Variants in TM7SF3 observed in about 807,000 individuals in gnomAD.
The protein encoded by TM7SF3 is seven span transmembrane protein.
In TM7SF3, 60 loss-of-function variants were observed where a neutral mutation model predicts 65.5. That is an observed-to-expected ratio of 0.92 (90% CI 0.74 to 1.14). The LOEUF is 1.14. TM7SF3 is among the 50% of genes most tolerant of loss of function. The pLI is 0.00. For missense variants in TM7SF3, 623 were observed against 684.8 expected (o/e 0.91, Z 1.01); for synonymous variants, 264 against 259.6 (o/e 1.02, Z -0.16).
intron 6 of TM7SF3, among the ~76,000 whole-genome samples, 158 bp downstream of exon 6, chr12:26,990,292 T>C (rs1463764524): frequency 6.6e-6 from 1 of 152,236 alleles, no homozygotes; most frequent in Non-Finnish European, 1.5e-5. Context: ...GAACAAGTAT[T>C]TTTGCTGTTT....
Position 27,012,725 on chromosome 12 carries a change from C to T in TM7SF3, c.91+1353G>A, listed in dbSNP as rs145513867. ...CAAGAATTACCTGAAATCGGCCGGG[C>T]GCGGTGGCTCATGCCTGTAATCCCA... On this transcript the variant is annotated intron_variant, in intron 1 of 11. Coordinates refer to ENST00000343028, the MANE Select transcript of TM7SF3 (RefSeq NM_016551.3). 1.5e-3 allele frequency: 662 copies of T among 455,968 alleles called. 3 individuals carry two copies. The highest frequency in any genetic ancestry group is 0.012 in the African/African-American group (577 of 50,170). 28.2% of individuals were successfully genotyped at this position (455,968 alleles called of 1,614,324 possible). A position where few individuals can be genotyped will look rare whatever the true frequency, so the allele number is the denominator to read the frequency against.
chr12:27,009,436 T>C (rs1271381500), intron 1 of TM7SF3, among the ~76,000 whole-genome samples: 9 of 151,896 alleles, frequency 5.9e-5, no homozygotes. Context: ...TCAATTTATC[T>C]AAAGAATGTT....
intron 1 of TM7SF3, among the ~76,000 whole-genome samples, chr12:27,008,824 C>G (rs373808217): frequency 1.2e-4 from 19 of 152,124 alleles, no homozygotes; most frequent in Admixed American, 3.9e-4. Context: ...AATGTGTACA[C>G]ATGGGCCTAC....
chr12:27,006,953 CGTAT>C (rs1276091671), intron 1 of TM7SF3, among the ~76,000 whole-genome samples: 3 of 152,078 alleles, frequency 2.0e-5, no homozygotes, highest in East Asian at 1.9e-4. Flanking sequence ...TTCCAGAAAG[CGTAT>C]GTGTCAGGCA....
chr12:26,990,675 G>A (rs748935927), intron 5 of TM7SF3, 48 bp from the exon 6 acceptor site: 2 of 1,479,632 alleles, frequency 1.4e-6, no homozygotes, highest in Admixed American at 3.6e-5. Context: ...ATTTTTTTAA[G>A]CTATTCTGTG....
At chr12:26,990,372 G>T in intron 6 of TM7SF3, 78 bp downstream of exon 6, 1 of 1,080,724 alleles carries the variant, frequency 9.3e-7, no homozygotes, top group Non-Finnish European at 1.4e-6. Flanking sequence ...GGTATGTGTT[G>T]AATGAATGAG....
At chr12:26,988,865 C>T (rs1940219862) in intron 6 of TM7SF3, among the ~76,000 whole-genome samples, 1 of 152,124 alleles carries the variant, frequency 6.6e-6, no homozygotes, top group Non-Finnish European at 1.5e-5. Context: ...ACAGCAACAA[C>T]AACCCCTCCT....
chr12:27,002,477 T>A (rs1940871677), intron 2 of TM7SF3, among the ~76,000 whole-genome samples: 1 of 151,914 alleles, frequency 6.6e-6, no homozygotes, highest in Admixed American at 6.6e-5. Flanking sequence ...ATGAATTAGA[T>A]TAAGACAGAA....
intron 5 of TM7SF3, among the ~76,000 whole-genome samples, chr12:26,994,696 G>A (rs559145172): frequency 6.6e-6 from 1 of 152,302 alleles, no homozygotes; most frequent in Admixed American, 6.5e-5. Context: ...GTAGTTCCAG[G>A]GTGGAGTTTA....
chr12:27,007,819 A>G (rs1941096984), intron 1 of TM7SF3, among the ~76,000 whole-genome samples: 1 of 152,210 alleles, frequency 6.6e-6, no homozygotes, highest in Admixed American at 6.5e-5. Context: ...ATTCAATTGA[A>G]TAGAATTTAC....
At chr12:26,999,972 T>G (rs1320572607) in intron 2 of TM7SF3, among the ~76,000 whole-genome samples, 2 of 152,232 alleles carry the variant, frequency 1.3e-5, no homozygotes, top group Non-Finnish European at 2.9e-5. Context: ...TAGAGTCTGG[T>G]GGTTCATGAT....
At chr12:26,979,660 TGCA>T in intron 9 of TM7SF3, 121 bp downstream of exon 9, 3 of 1,087,970 alleles carry the variant, frequency 2.8e-6, no homozygotes, top group Non-Finnish European at 4.0e-6. Context: ...ACACCATCAA[TGCA>T]GATTTCCAGA....
rs771291983 is a variant in TM7SF3, at chr12:26,976,255, C to G, written c.1287+5G>C. ...AATAAATCTAACTTTTGATGAAACACTTACTATTCTTAGGCAGCCCATGAA... is the reference window on the plus strand; with the variant it reads ...AATAAATCTAACTTTTGATGAAACAGTTACTATTCTTAGGCAGCCCATGAA... On this transcript the variant is annotated splice_donor_5th_base_variant and intron_variant, in intron 10 of 11. Coordinates refer to ENST00000343028, the MANE Select transcript of TM7SF3 (RefSeq NM_016551.3). The G allele has an allele frequency of 6.3e-7, 1 of 1,596,780 alleles. No individual in the cohort carries two copies.
chr12:26,985,815 T>TG (rs1940058169), intron 6 of TM7SF3, among the ~76,000 whole-genome samples: 3 of 103,608 alleles, frequency 2.9e-5, no homozygotes, highest in African/African-American at 1.1e-4. Flanking sequence ...CGTTTTTTTT[T>TG]TTTTTTTTTT....
At chr12:26,999,147 A>T (rs1433567586) in intron 3 of TM7SF3, among the ~76,000 whole-genome samples, 1 of 152,204 alleles carries the variant, frequency 6.6e-6, no homozygotes, top group Non-Finnish European at 1.5e-5. Context: ...CTGCAATCCC[A>T]GCACTTTGGG....
chr12:26,977,971 C>G, intron 9 of TM7SF3: 2 of 348,860 alleles, frequency 5.7e-6, no homozygotes. Flanking sequence ...CAGCACACAC[C>G]TGTAGTCCCA....
intron 11 of TM7SF3, 34 bp from the exon 12 acceptor site, chr12:26,974,261 C>G (rs200243124): frequency 1.3e-6 from 2 of 1,589,896 alleles, no homozygotes; most frequent in Non-Finnish European, 1.7e-6. Context: ...AGTTTGAACT[C>G]TAGTATTTTA....
intron 1 of TM7SF3, among the ~76,000 whole-genome samples, chr12:27,005,427 C>T (rs1294482131): frequency 6.6e-6 from 1 of 152,168 alleles, no homozygotes; most frequent in Non-Finnish European, 1.5e-5. Flanking sequence ...TAAAGGTTAT[C>T]CAAGGCTTCT....
chr12:26,988,062 TAA>T (rs375692230), intron 6 of TM7SF3, among the ~76,000 whole-genome samples: 8 of 132,708 alleles, frequency 6.0e-5, no homozygotes, highest in Non-Finnish European at 3.3e-5. Flanking sequence ...AGATTAAAAT[TAA>T]AAAAAAAAAA....
Sources: allele counts gnomAD v4.1 joint callset (sites outside exome capture counted in the v4.1 genomes callset), GRCh38; gene constraint gnomAD v4.1.1; transcripts MANE v1.5; gene names NCBI Gene and HGNC (gene_info 2026-07-23, HGNC 2026-07-21).